Variants in PHLPP1 observed in about 807,000 individuals in gnomAD.
PHLPP1 encodes the protein PH domain and leucine rich repeat protein phosphatase 1.
PHLPP1 carries 42 observed loss-of-function variants against 117.2 expected under a neutral mutation model. The observed-to-expected ratio is 0.36, with a 90% CI of 0.28 to 0.46. PHLPP1 has a LOEUF of 0.46. PHLPP1 is among the 20% of genes least tolerant of loss of function. The pLI is 1.00. For missense variants in PHLPP1, 2,084 were observed against 2,241.9 expected, an observed-to-expected ratio of 0.93 and a Z score of 1.42; for synonymous variants, 1,042 against 970.7, an observed-to-expected ratio of 1.07 and a Z score of -1.37.
intron 2 of PHLPP1, among the ~76,000 whole-genome samples, chr18:62,832,749 GT>G (rs33987221): frequency 6.0e-5 from 9 of 150,558 alleles, no homozygotes; most frequent in South Asian, 2.1e-4. Flanking sequence ...GTCTGTTGTT[GT>G]TTTTTTTTAT....
At chr18:62,725,225 T>C (rs963359198) in intron 1 of PHLPP1, among the ~76,000 whole-genome samples, 5 of 151,854 alleles carry the variant, frequency 3.3e-5, no homozygotes, top group Admixed American at 6.6e-5. Context: ...CTGGGCCTAG[T>C]GGCGCACGCC....
chr18:62,838,918 G>A lies in PHLPP1; in HGVS notation c.1899+9G>A, dbSNP rs1465904372. On this transcript the variant is annotated intron_variant, in intron 3 of 16. Coordinates refer to ENST00000262719, the MANE Select transcript of PHLPP1 (RefSeq NM_194449.4). ...TGCGACAAGTCTCCAAGGTAAGCAA[G>A]CACTTAATCCAGGAATCCACTCAGC... is the stretch of plus-strand genomic sequence containing the variant. The A allele has an allele frequency of 6.8e-6, 11 of 1,613,476 alleles. No homozygotes were observed. Among genetic ancestry groups the A allele is most frequent in the Non-Finnish European group, 7.6e-6 (9 of 1,179,738 alleles).
At chr18:62,970,170 C>T (rs1278098360) in intron 14 of PHLPP1, among the ~76,000 whole-genome samples, 2 of 152,134 alleles carry the variant, frequency 1.3e-5, no homozygotes, top group African/African-American at 4.8e-5. Context: ...TAACTCATTA[C>T]TGTTTACCTT....
chr18:62,849,823 A>T (rs1568137162), intron 3 of PHLPP1, among the ~76,000 whole-genome samples: 4 of 98,224 alleles, frequency 4.1e-5, no homozygotes, highest in African/African-American at 1.6e-4. Context: ...AAAAAAAAAA[A>T]AAAAAAAAAA....
At chr18:62,738,427 T>G (rs1327030457) in intron 1 of PHLPP1, among the ~76,000 whole-genome samples, 1 of 152,180 alleles carries the variant, frequency 6.6e-6, no homozygotes, top group Non-Finnish European at 1.5e-5. Context: ...GTATAACAAC[T>G]ATTGGATATT....
intron 15 of PHLPP1, among the ~76,000 whole-genome samples, chr18:62,974,009 G>A (rs781715457): frequency 8.5e-5 from 13 of 152,178 alleles, no homozygotes; most frequent in Non-Finnish European, 1.9e-4. Flanking sequence ...CAGCAAGCAT[G>A]TATCATATGC....
chr18:62,834,201 A>C (rs957018131), intron 2 of PHLPP1, among the ~76,000 whole-genome samples: 1 of 152,108 alleles, frequency 6.6e-6, no homozygotes, highest in African/African-American at 2.4e-5. Context: ...TGGCAAGGGA[A>C]GAGGTAATTG....
intron 10 of PHLPP1, among the ~76,000 whole-genome samples, chr18:62,932,485 A>T (rs1396299701): frequency 1.3e-5 from 2 of 152,228 alleles, no homozygotes; most frequent in Non-Finnish European, 2.9e-5. Flanking sequence ...AATATATGTG[A>T]TTCACCACAT....
intron 3 of PHLPP1, among the ~76,000 whole-genome samples, chr18:62,848,328 A>G (rs572932076): frequency 3.3e-5 from 5 of 152,318 alleles, no homozygotes; most frequent in African/African-American, 9.6e-5. Flanking sequence ...AGTGACAACA[A>G]TAATGCACAT....
chr18:62,734,562 A>T (rs1338337890), intron 1 of PHLPP1, among the ~76,000 whole-genome samples: 2 of 152,192 alleles, frequency 1.3e-5, no homozygotes, highest in African/African-American at 4.8e-5. Context: ...CAACACTGGA[A>T]AATGAGCTGC....
chr18:62,870,444 G>C (rs1915875810), intron 4 of PHLPP1, among the ~76,000 whole-genome samples: 1 of 152,124 alleles, frequency 6.6e-6, no homozygotes, highest in African/African-American at 2.4e-5. Flanking sequence ...TAGTGTGGTG[G>C]CTTCGAAATA....
chr18:62,861,521 C>T (rs886353393), intron 4 of PHLPP1, among the ~76,000 whole-genome samples: 1 of 152,214 alleles, frequency 6.6e-6, no homozygotes, highest in African/African-American at 2.4e-5. Flanking sequence ...AGTCTTCATT[C>T]TGTGGTAAAT....
intron 3 of PHLPP1, among the ~76,000 whole-genome samples, chr18:62,845,491 C>G (rs1477265884): frequency 2.0e-5 from 3 of 152,132 alleles, no homozygotes; most frequent in Non-Finnish European, 2.9e-5. Flanking sequence ...CTTTTGGTTT[C>G]ATTTGCTTAG....
chr18:62,716,284 C>T lies in PHLPP1; in HGVS notation c.601C>T (p.Arg201Cys). 6.5e-7 allele frequency: 1 copy of T among 1,531,106 alleles called. No individual in the cohort carries two copies. Among genetic ancestry groups the T allele is most frequent in the Non-Finnish European group, 8.7e-7 (1 of 1,145,172 alleles). 94.8% of individuals were successfully genotyped at this position (1,531,106 alleles called of 1,614,324 possible). A position where few individuals can be genotyped will look rare whatever the true frequency, so the allele number is the denominator to read the frequency against. The stretch of plus-strand genomic sequence containing the variant: ...GGACTGGGTGAGGCACCAGCTCCAG[C>T]GCGGCTGCGTGCACGTCTTCGACCG... ...DRDWVRHQLQ[R>C]GCVHVFDRHM... Residue 201 changes from arginine to cysteine, a missense_variant, in exon 1 of 17, where the codon CGC (arginine) becomes TGC (cysteine). Physicochemically the swap from Arg to Cys is radical, Grantham distance 180. Transcript: ENST00000262719. This position sits in a 1 kb window ranked among gnomAD's most constrained non-coding sequence, Gnocchi z 5.7.
chr18:62,727,787 C>A (rs1911119981), intron 1 of PHLPP1, among the ~76,000 whole-genome samples: 1 of 151,980 alleles, frequency 6.6e-6, no homozygotes, highest in South Asian at 2.1e-4. Flanking sequence ...TTTAGCCTTA[C>A]CACTGCATTT....
At chr18:62,788,287 G>A (rs1913356079) in intron 1 of PHLPP1, among the ~76,000 whole-genome samples, 1 of 152,132 alleles carries the variant, frequency 6.6e-6, no homozygotes, top group East Asian at 1.9e-4. Context: ...TTTTCTGAAT[G>A]AGCCAAGGTG....
chr18:62,971,280 C>G (rs754791971), intron 14 of PHLPP1, among the ~76,000 whole-genome samples: 1 of 152,020 alleles, frequency 6.6e-6, no homozygotes, highest in Non-Finnish European at 1.5e-5. Flanking sequence ...TGTTATCTGT[C>G]TCTTCTTTCG....
intron 1 of PHLPP1, among the ~76,000 whole-genome samples, chr18:62,802,952 C>G (rs1042806211): frequency 2.0e-5 from 3 of 152,118 alleles, no homozygotes; most frequent in Non-Finnish European, 2.9e-5. Flanking sequence ...CAGGGAGAAG[C>G]TCAGTGAGGG....
At chr18:62,742,468 C>T (rs529655545) in intron 1 of PHLPP1, among the ~76,000 whole-genome samples, 1 of 151,708 alleles carries the variant, frequency 6.6e-6, no homozygotes, top group South Asian at 2.1e-4. Flanking sequence ...GAGTCTTGCT[C>T]TGTCGCCCAG....
Sources: gnomAD v4.1 joint callset for allele counts (sites outside exome capture counted in the v4.1 genomes callset) on GRCh38, gnomAD v4.1.1 for gene constraint, Gnocchi (gnomAD v3.1) non-coding constraint, MANE v1.5 for transcripts, NCBI Gene and HGNC (gene_info 2026-07-23, HGNC 2026-07-21) for gene names.